The following RIC8B variants were observed in gnomAD, a reference collection of about 807,000 sequenced individuals.
RIC8B encodes the protein RIC8 guanine nucleotide exchange factor B.
A neutral mutation model predicts 57.5 loss-of-function variants in RIC8B; 16 were observed. The ratio of observed to expected loss-of-function variants is 0.28; its 90% CI spans 0.19 to 0.42. The LOEUF is 0.42. RIC8B is among the 10% of genes least tolerant of loss of function. The probability of loss-of-function intolerance (pLI) is 1.00; values close to 1 mark genes in which losing one functional copy is unlikely to be tolerated. For synonymous variants in RIC8B, 216 were observed against 250.8 expected, an observed-to-expected ratio of 0.86 and a Z score of 1.31; for missense variants, 481 against 677.0, an observed-to-expected ratio of 0.71 and a Z score of 3.21.
At chr12:106,809,625 G>A (rs916305329) in intron 2 of RIC8B, among the ~76,000 whole-genome samples, 2 of 150,080 alleles carry the variant, frequency 1.3e-5, no homozygotes, top group Admixed American at 1.3e-4. Flanking sequence ...AAGCACATAA[G>A]CAAAAAATAT....
chr12:106,835,710 T>A (rs1371772512), intron 4 of RIC8B, among the ~76,000 whole-genome samples: 1 of 152,236 alleles, frequency 6.6e-6, no homozygotes, highest in Non-Finnish European at 1.5e-5. Context: ...ATTTGTTGAA[T>A]GAATAAAGTG....
In RIC8B at chr12:106,886,301, T is replaced by G; in HGVS notation, c.*286T>G. The G allele has an allele frequency of 3.6e-6, 1 of 277,702 alleles. No homozygotes were observed. Among genetic ancestry groups the G allele is most frequent in the Admixed American group, 5.1e-5 (1 of 19,662 alleles). The allele number at this position is 277,702 out of a possible 1,614,324, so 17.2% of individuals were successfully genotyped here. A position where few individuals can be genotyped will look rare whatever the true frequency, so the allele number is the denominator to read the frequency against. ...AGGATTTTATTCTATAAAGCGGCCC[T>G]GGTTGAATCTGGCAATTCTTTTTGC... On this transcript the variant is annotated 3_prime_UTR_variant, in exon 10 of 10. Transcript: ENST00000392837.
chr12:106,847,541 C>A (rs1361006357), intron 6 of RIC8B, among the ~76,000 whole-genome samples: 2 of 152,132 alleles, frequency 1.3e-5, no homozygotes, highest in Non-Finnish European at 2.9e-5. Flanking sequence ...CAGCCAGAGA[C>A]TGAAATATGG....
At chr12:106,787,788 C>T (rs143782540) in intron 2 of RIC8B, among the ~76,000 whole-genome samples, 67 of 152,192 alleles carry the variant, frequency 4.4e-4, no homozygotes, top group African/African-American at 1.4e-3. Flanking sequence ...TCCCACAGTG[C>T]GTGGGAATTA....
At position 106,774,768 on chromosome 12, in the gene RIC8B, A is replaced by G. The variant is rs1173866560; in HGVS notation, c.23A>G (p.Tyr8Cys). ...GCCATGGATGAGGAGCGCGCCCTCTACATCGTCCGGGCCGGCGAAGCAGGG... is the reference window on the plus strand; with the variant it reads ...GCCATGGATGAGGAGCGCGCCCTCTGCATCGTCCGGGCCGGCGAAGCAGGG... MDEERAL[Y>C]IVRAGEAGAI... Residue 8 changes from tyrosine to cysteine, a missense_variant, in exon 1 of 10, where the codon TAC (tyrosine) becomes TGC (cysteine). Around this residue, in one of 3 missense-constraint regions of RIC8B, gnomAD observed 421 missense variants for 560.9 expected, o/e 0.75. Coordinates refer to ENST00000392837, the MANE Select transcript of RIC8B (RefSeq NM_001330145.2). The G allele has an allele frequency of 2.6e-6, 4 of 1,551,974 alleles. No homozygotes were observed. Among genetic ancestry groups the G allele is most frequent in the East Asian group, 4.9e-5 (2 of 40,998 alleles).
At chr12:106,816,059 A>T (rs2045561217) in intron 3 of RIC8B, among the ~76,000 whole-genome samples, 1 of 152,214 alleles carries the variant, frequency 6.6e-6, no homozygotes, top group African/African-American at 2.4e-5. Flanking sequence ...GAAGTCAACA[A>T]ATTAAGTGAA....
intron 2 of RIC8B, among the ~76,000 whole-genome samples, chr12:106,806,362 G>A (rs1175753048): frequency 6.6e-6 from 1 of 152,096 alleles, no homozygotes; most frequent in African/African-American, 2.4e-5. Context: ...AATATTTTCT[G>A]CCATCTTGTG....
At chr12:106,847,533 G>A (rs1949257380) in intron 6 of RIC8B, among the ~76,000 whole-genome samples, 1 of 152,096 alleles carries the variant, frequency 6.6e-6, no homozygotes, top group African/African-American at 2.4e-5. Flanking sequence ...GTTCTACCCA[G>A]CCAGAGACTG....
chr12:106,850,650 G>A (rs971822605), intron 6 of RIC8B, among the ~76,000 whole-genome samples: 3 of 152,042 alleles, frequency 2.0e-5, no homozygotes, highest in Non-Finnish European at 1.5e-5. Flanking sequence ...TCTCCTTTGC[G>A]GGATTACTGT....
intron 2 of RIC8B, among the ~76,000 whole-genome samples, chr12:106,811,578 G>A (rs867153973): frequency 1.3e-5 from 2 of 152,208 alleles, no homozygotes; most frequent in African/African-American, 4.8e-5. Flanking sequence ...TCCTTGATGG[G>A]TAGATGTAGT....
At chr12:106,832,831 C>T (rs1156323112) in intron 4 of RIC8B, among the ~76,000 whole-genome samples, 1 of 152,076 alleles carries the variant, frequency 6.6e-6, no homozygotes, top group Admixed American at 6.6e-5. Flanking sequence ...TGTTTTCTGC[C>T]AATCTCAGGA....
rs746467048 is a variant in RIC8B at position 106,814,701 on chromosome 12, C to T, written c.138C>T (p.Leu46=). The change falls in exon 3 of 10, where the codon CTC becomes CTT. Residue 46 remains leucine (L), a synonymous_variant. Transcript: ENST00000392837. ...TACTCGTTCTTGTTTTTCAGAAACT[C>T]TGTGAAGGCATATTTAAAGTCCTTA... ...ESTDEDKRKK[L]CEGIFKVLIK... is the part of the protein sequence containing the mutation. 4.4e-6 allele frequency: 7 copies of T among 1,586,466 alleles called. No individual in the cohort carries two copies. The highest frequency in any genetic ancestry group is 6.0e-6 in the Non-Finnish European group (7 of 1,168,176).
In RIC8B at chr12:106,774,731, C is replaced by T. The variant is rs371271528; in HGVS notation, c.-15C>T. 2.6e-6 allele frequency: 4 copies of T among 1,546,430 alleles called. No individual in the cohort carries two copies. The highest frequency in any genetic ancestry group is 1.7e-4 in the Middle Eastern group (1 of 5,734). On this transcript the variant is annotated 5_prime_UTR_variant, in exon 1 of 10. Coordinates refer to ENST00000392837, the MANE Select transcript of RIC8B (RefSeq NM_001330145.2). Reference sequence around the variant, plus strand: ...GGGCGCGCAGAGCGGCCGCGGCTCCCCCGCACCTGCGGCCATGGATGAGGA... The same window carrying T: ...GGGCGCGCAGAGCGGCCGCGGCTCCTCCGCACCTGCGGCCATGGATGAGGA...
At position 106,851,485 on chromosome 12, in the gene RIC8B, T is replaced by C; in HGVS notation, c.1197T>C (p.Pro399=). 8 of 1,613,820 alleles carry C rather than the reference T, an allele frequency of 5.0e-6. No homozygotes were observed. The South Asian group carries it at 8.8e-5, about 18-fold the overall frequency. ...LPPLRDVTNR[P]EVGSTVRNKL... ...CGTTGAGGGATGTGACAAATCGACC[T>C]GAAGTTGGCTCAACTGTGAGAAATA... The change falls in exon 7 of 10, where the codon CCT becomes CCC. Residue 399 remains proline (P), a synonymous_variant. Coordinates refer to ENST00000392837, the MANE Select transcript of RIC8B (RefSeq NM_001330145.2).
At chr12:106,813,788 C>G (rs139606567) in intron 2 of RIC8B, among the ~76,000 whole-genome samples, 2 of 152,056 alleles carry the variant, frequency 1.3e-5, no homozygotes, top group Non-Finnish European at 2.9e-5. Flanking sequence ...CAGAAATGTT[C>G]GGTGATAGAG....
chr12:106,864,430 G>T (rs145457461), intron 8 of RIC8B, among the ~76,000 whole-genome samples: 95 of 152,082 alleles, frequency 6.2e-4, no homozygotes, highest in African/African-American at 2.0e-3. Flanking sequence ...TATGTGCCAG[G>T]CACTTTTCTA....
chr12:106,880,650 G>A (rs1950881180), intron 9 of RIC8B, among the ~76,000 whole-genome samples: 1 of 152,142 alleles, frequency 6.6e-6, no homozygotes, highest in Non-Finnish European at 1.5e-5. Flanking sequence ...CAGAATGTCT[G>A]ATGATATTAA....
Position 106,879,373 on chromosome 12 carries a change from T to A in RIC8B, c.1572-6531T>A. 1 of 985,216 alleles carries A rather than the reference T, an allele frequency of 1.0e-6. No individual in the cohort carries two copies. Among genetic ancestry groups the A allele is most frequent in the South Asian group, 4.7e-5 (1 of 21,270 alleles). 61.0% of individuals were successfully genotyped at this position (985,216 alleles called of 1,614,324 possible). ...GGTATGTTAGTATCTGAACCCCAAT[T>A]TTGCACTGTCATTTTTGGGGGAAAG... On this transcript the variant is annotated intron_variant, in intron 9 of 9. Coordinates refer to ENST00000392837, the MANE Select transcript of RIC8B (RefSeq NM_001330145.2). The surrounding 1 kb of genome is among the most constrained non-coding windows in gnomAD (Gnocchi z 4.9).
At position 106,844,414 on chromosome 12, in the gene RIC8B, A is replaced by G. The variant is rs147539363; in HGVS notation, c.1161+467A>G. ...GGAATGTCCCTGAGAGAACAAGTTCACAATCCCTGAGACAAGAGGATGCTT... is the reference window on the plus strand; with the variant it reads ...GGAATGTCCCTGAGAGAACAAGTTCGCAATCCCTGAGACAAGAGGATGCTT... On this transcript the variant is annotated intron_variant, in intron 6 of 9. Transcript: ENST00000392837. Among the ~76,000 whole-genome samples the G allele has an allele frequency of 3.4e-3, 513 of 152,320 alleles. 1 individual carries two copies. The highest frequency in any genetic ancestry group is 0.012 in the African/African-American group (487 of 41,566).
Sources: allele counts gnomAD v4.1 joint callset (sites outside exome capture counted in the v4.1 genomes callset), GRCh38; gene constraint gnomAD v4.1.1; regional missense constraint gnomAD v4.1.1; non-coding constraint Gnocchi (gnomAD v3.1); transcripts MANE v1.5; gene names NCBI Gene and HGNC (gene_info 2026-07-23, HGNC 2026-07-21).